HIRA: variants seen among roughly 807,000 people sequenced by gnomAD.
HIRA encodes the protein histone cell cycle regulator.
A neutral mutation model predicts 126.6 loss-of-function variants in HIRA; 13 were observed. That is an observed-to-expected ratio of 0.10 (90% CI 0.07 to 0.16). The LOEUF is 0.16. Ranked by LOEUF, HIRA falls within the 10% of genes least tolerant of loss-of-function variation. The pLI, the probability that HIRA is intolerant of heterozygous loss-of-function variation, is 1.00. For synonymous variants in HIRA, 511 were observed against 520.0 expected, an observed-to-expected ratio of 0.98 and a Z score of 0.24; for missense variants, 834 against 1,314.4, an observed-to-expected ratio of 0.63 and a Z score of 5.65.
intron 21 of HIRA, 87 bp downstream of exon 21, chr22:19,355,673 A>G (rs782766015): frequency 9.9e-5 from 90 of 908,302 alleles, no homozygotes; most frequent in Non-Finnish European, 1.6e-4. Context: ...AGGGCTAGGC[A>G]GCCCTGTAGG....
At chr22:19,376,671 C>T (rs2089022037) in intron 14 of HIRA, among the ~76,000 whole-genome samples, 1 of 152,236 alleles carries the variant, frequency 6.6e-6, no homozygotes, top group African/African-American at 2.4e-5. Context: ...TTCCTACCCT[C>T]TCAGGGTCCC....
chr22:19,423,504 CACACACACACACACACACACAT>C (rs1044505610), intron 1 of HIRA, among the ~76,000 whole-genome samples: 25 of 124,008 alleles, frequency 2.0e-4, no homozygotes, highest in African/African-American at 7.9e-4. Context: ...CACACACACA[CACACACACACACACACACACAT>C]ATTTTCAGCT....
chr22:19,371,079 C>T lies in HIRA; in HGVS notation c.1775+4552G>A, dbSNP rs1222688350. On this transcript the variant is annotated intron_variant, in intron 15 of 24. Transcript: ENST00000263208. ...CCACAAAGCAAACATGAGTGTCTTC[C>T]TCAATAAGCAGGACTGTCTGTGGCA... Among the ~76,000 whole-genome samples the T allele has an allele frequency of 5.3e-5, 8 of 152,336 alleles. No homozygotes were observed. In the East Asian group the frequency reaches 1.2e-3, roughly 22 times the overall value.
rs753833761 is a variant in HIRA at position 19,375,765 on chromosome 22, T to C, written c.1641A>G (p.Ala547=). ...DSMNATSTPA[A]LSPSVLTTPS... is the part of the protein sequence containing the mutation. ...GGGTCGTTAACACAGAAGGTGACAATGCAGCAGGAGTAGAGGTAGCATTCA... is the reference window on the plus strand; with the variant it reads ...GGGTCGTTAACACAGAAGGTGACAACGCAGCAGGAGTAGAGGTAGCATTCA... The change falls in exon 15 of 25, where the codon GCA becomes GCG. Residue 547 remains alanine (A), a synonymous_variant. Transcript: ENST00000263208. The C allele has an allele frequency of 4.3e-6, 7 of 1,613,944 alleles. No individual in the cohort carries two copies. The African/African-American group carries it at 9.4e-5, about 22-fold the overall frequency.
chr22:19,380,011 T>C lies in HIRA; in HGVS notation c.1416-1945A>G, dbSNP rs543224905. On this transcript the variant is annotated intron_variant, in intron 13 of 24. Transcript: ENST00000263208. ...TTTTAGTAGAGACGGGGTTTCACCA[T>C]GTTGGCCAGGATGGTCTTGATCTCT... Among the ~76,000 whole-genome samples the C allele has an allele frequency of 2.0e-5, 3 of 152,236 alleles. No individual in the cohort carries two copies. The East Asian group carries it at 5.8e-4, about 29-fold the overall frequency.
In HIRA at chr22:19,357,508, G is replaced by T. The variant is rs572108309; in HGVS notation, c.2235-457C>A. Among the ~76,000 whole-genome samples, 46 of 152,334 alleles carry T rather than the reference G, an allele frequency of 3.0e-4. 1 individual carries two copies. Among genetic ancestry groups the T allele is most frequent in the African/African-American group, 1.0e-3 (42 of 41,584 alleles). Reference sequence around the variant, plus strand: ...CAGCATGCACCTCTGTGTCCAGGGGGCTGTCTGGCTGGCGTGGGAGATGTG... The same window carrying T: ...CAGCATGCACCTCTGTGTCCAGGGGTCTGTCTGGCTGGCGTGGGAGATGTG... On this transcript the variant is annotated intron_variant, in intron 18 of 24. Transcript: ENST00000263208.
intron 13 of HIRA, among the ~76,000 whole-genome samples, chr22:19,379,412 G>A (rs370109700): frequency 4.6e-5 from 7 of 150,862 alleles, no homozygotes; most frequent in African/African-American, 1.7e-4. Context: ...GGATCACGAG[G>A]TCAAGAGTTC....
intron 17 of HIRA, 63 bp downstream of exon 17, chr22:19,361,174 C>T: frequency 8.4e-7 from 1 of 1,196,644 alleles, no homozygotes; most frequent in Admixed American, 1.7e-5. Context: ...GATTTGTATG[C>T]AGTAGGGGAC....
chr22:19,392,186 T>C lies in HIRA; in HGVS notation c.851A>G (p.Lys284Arg), dbSNP rs1424316699. The change falls in exon 9 of 25, where the codon AAG (lysine) becomes AGG (arginine). Residue 284 changes from lysine to arginine, a missense_variant. By Grantham distance (26) the Lys-to-Arg change is conservative. Coordinates refer to ENST00000263208, the MANE Select transcript of HIRA (RefSeq NM_003325.4). Reference protein sequence around the residue: ...VKFNPKIFKKKQKNGSSAKPS... With the variant: ...VKFNPKIFKKRQKNGSSAKPS... ...CTTCGCAGAACTCCCATTCTTCTGC[T>C]TCTTTTTGAAGATTTTTGGGTTGAA... is the stretch of plus-strand genomic sequence containing the variant. The C allele has an allele frequency of 1.2e-6, 2 of 1,608,802 alleles. No homozygotes were observed. Among genetic ancestry groups the C allele is most frequent in the Admixed American group, 1.7e-5 (1 of 59,918 alleles).
At chr22:19,415,022 T>C (rs1007600527) in intron 1 of HIRA, among the ~76,000 whole-genome samples, 37 of 152,310 alleles carry the variant, frequency 2.4e-4, no homozygotes, top group African/African-American at 8.9e-4. Flanking sequence ...CTCAGCTCAC[T>C]GCAACCTCTA....
rs1569314102 is a variant in HIRA, at chr22:19,420,473, A to AAAC, written c.38-9696_38-9695insGTT. On this transcript the variant is annotated intron_variant, in intron 1 of 24. Coordinates refer to ENST00000263208, the MANE Select transcript of HIRA (RefSeq NM_003325.4). ...AAAAAAAACTGTCTCAAAAAAAAAA[A>AAAC]AAAAAAAACCAAACCAAAACAAAAA... Among the ~76,000 whole-genome samples the AAAC allele has an allele frequency of 2.5e-3, 375 of 149,156 alleles. 6 individuals are homozygous for AAAC. The highest frequency in any genetic ancestry group is 9.0e-3 in the African/African-American group (365 of 40,716).
chr22:19,384,746 C>T (rs1191465424), intron 12 of HIRA, among the ~76,000 whole-genome samples: 2 of 151,922 alleles, frequency 1.3e-5, no homozygotes, highest in African/African-American at 4.8e-5. Context: ...TATCTGCTTC[C>T]CGGGTTTAAG....
chr22:19,355,309 T>C (rs2088800805), intron 21 of HIRA, among the ~76,000 whole-genome samples: 1 of 152,006 alleles, frequency 6.6e-6, no homozygotes, highest in African/African-American at 2.4e-5. Context: ...AATTCCTGAG[T>C]GGACAGAGGA....
At chr22:19,394,143 T>A (rs1474041679) in intron 8 of HIRA, among the ~76,000 whole-genome samples, 199 bp downstream of exon 8, 2 of 152,236 alleles carry the variant, frequency 1.3e-5, no homozygotes, top group African/African-American at 2.4e-5. Context: ...AAAAGGCTGA[T>A]GTGGAGCTAC....
At chr22:19,363,218 G>A (rs1261340850) in intron 15 of HIRA, among the ~76,000 whole-genome samples, 1 of 150,114 alleles carries the variant, frequency 6.7e-6, no homozygotes, top group East Asian at 2.0e-4. Context: ...TGGTGACAAA[G>A]TGAGATTCCG....
At chr22:19,395,185 G>A (rs2089212951) in intron 7 of HIRA, among the ~76,000 whole-genome samples, 1 of 152,186 alleles carries the variant, frequency 6.6e-6, no homozygotes. Flanking sequence ...TGGGTCCAGA[G>A]CCAGCTCCTT....
intron 1 of HIRA, among the ~76,000 whole-genome samples, chr22:19,428,773 C>A (rs2089507870): frequency 6.6e-6 from 1 of 152,110 alleles, no homozygotes. Context: ...ACTGCAAGAT[C>A]CCATTTCTAT....
chr22:19,331,611 T>G lies in HIRA; in HGVS notation c.2938-55A>C. On this transcript the variant is annotated intron_variant, in intron 24 of 24. Coordinates refer to ENST00000263208, the MANE Select transcript of HIRA (RefSeq NM_003325.4). ...AGTGTCAGTGAAGAGACCTAGATTG[T>G]GGGGACTTTCCTGGCCTGGCAGAGA... The G allele has an allele frequency of 2.0e-6, 3 of 1,502,778 alleles. No individual in the cohort carries two copies. In the South Asian group the frequency reaches 3.9e-5, roughly 19 times the overall value. The allele number at this position is 1,502,778 out of a possible 1,614,324, so 93.1% of individuals were successfully genotyped here.
At chr22:19,387,891 G>A (rs1297834167) in intron 10 of HIRA, 75 bp from the exon 11 acceptor site, 14 of 908,442 alleles carry the variant, frequency 1.5e-5, no homozygotes, top group East Asian at 1.5e-4. Flanking sequence ...GCTGGCCTGT[G>A]AGGATGGTGG....
Sources: allele counts gnomAD v4.1 joint callset (sites outside exome capture counted in the v4.1 genomes callset), GRCh38; gene constraint gnomAD v4.1.1; transcripts MANE v1.5; gene names NCBI Gene and HGNC (gene_info 2026-07-23, HGNC 2026-07-21).